The following CSGALNACT1 variants were observed in gnomAD, a reference collection of about 807,000 sequenced individuals.
The protein encoded by CSGALNACT1 is chondroitin sulfate N-acetylgalactosaminyltransferase 1.
A neutral mutation model predicts 51.0 loss-of-function variants in CSGALNACT1; 52 were observed. The observed-to-expected ratio is 1.02, with a 90% CI of 0.82 to 1.29. The LOEUF is 1.29. Among genes scored for constraint, CSGALNACT1 ranks in the 50% most tolerant of loss-of-function variants. The probability of loss-of-function intolerance (pLI) is 0.00; values close to 1 mark genes in which losing one functional copy is unlikely to be tolerated. For synonymous variants in CSGALNACT1, 341 were observed against 254.4 expected (o/e 1.34, Z -3.24); for missense variants, 935 against 679.2 (o/e 1.38, Z -4.19).
chr8:19,584,833 G>T (rs572917896), intron 3 of CSGALNACT1, among the ~76,000 whole-genome samples: 2 of 152,182 alleles, frequency 1.3e-5, no homozygotes, highest in South Asian at 2.1e-4. Context: ...CAGAATTAAG[G>T]GCTTGTCATC....
intron 6 of CSGALNACT1, among the ~76,000 whole-genome samples, chr8:19,434,372 G>C (rs1290430811): frequency 6.6e-6 from 1 of 151,986 alleles, no homozygotes; most frequent in East Asian, 1.9e-4. Flanking sequence ...CATACCCTTG[G>C]CTAGATTCAC....
chr8:19,476,708 A>G (rs573269476), intron 4 of CSGALNACT1, among the ~76,000 whole-genome samples: 15 of 152,318 alleles, frequency 9.8e-5, no homozygotes, highest in African/African-American at 2.9e-4. Flanking sequence ...CCAGACTTCT[A>G]TGTAAGAAGT....
intron 1 of CSGALNACT1, among the ~76,000 whole-genome samples, chr8:19,670,838 C>T (rs546189838): frequency 1.3e-5 from 2 of 152,082 alleles, no homozygotes; most frequent in Admixed American, 6.5e-5. Context: ...GCTTTTGGCC[C>T]CTTTGGTTAA....
intron 6 of CSGALNACT1, among the ~76,000 whole-genome samples, chr8:19,421,891 T>C (rs767907404): frequency 3.3e-5 from 5 of 152,116 alleles, no homozygotes; most frequent in South Asian, 4.2e-4. Flanking sequence ...GGAGGCCTCA[T>C]GATGGGTAGA....
At chr8:19,488,488 T>C (rs961198865) in intron 4 of CSGALNACT1, among the ~76,000 whole-genome samples, 3 of 150,712 alleles carry the variant, frequency 2.0e-5, no homozygotes, top group African/African-American at 7.3e-5. Context: ...ATTTTGTTTA[T>C]ATTAAGCAGT....
chr8:19,645,045 T>C (rs2057132661), intron 1 of CSGALNACT1, among the ~76,000 whole-genome samples: 1 of 152,194 alleles, frequency 6.6e-6, no homozygotes, highest in Non-Finnish European at 1.5e-5. Flanking sequence ...CTTTTAATCA[T>C]CAAAGTTCAA....
chr8:19,454,502 C>G (rs979037386), intron 5 of CSGALNACT1, among the ~76,000 whole-genome samples: 1 of 152,098 alleles, frequency 6.6e-6, no homozygotes, highest in African/African-American at 2.4e-5. Flanking sequence ...GAAACCCAGT[C>G]TCTACTAAAA....
intron 1 of CSGALNACT1, among the ~76,000 whole-genome samples, chr8:19,627,968 G>A (rs1007880323): frequency 6.6e-6 from 1 of 152,112 alleles, no homozygotes; most frequent in African/African-American, 2.4e-5. Context: ...GGAGAAAGCT[G>A]GGAGAAGGAA....
At chr8:19,539,818 G>C (rs2084669003) in intron 3 of CSGALNACT1, among the ~76,000 whole-genome samples, 1 of 152,176 alleles carries the variant, frequency 6.6e-6, no homozygotes, top group Non-Finnish European at 1.5e-5. Flanking sequence ...CCCCTGCTGA[G>C]GGGAGTTCTA....
intron 1 of CSGALNACT1, among the ~76,000 whole-genome samples, chr8:19,689,286 G>A (rs911397735): frequency 6.6e-6 from 1 of 152,170 alleles, no homozygotes; most frequent in Non-Finnish European, 1.5e-5. Flanking sequence ...GGCAGCCCAT[G>A]GCGTGTTCTA....
exon 10 of CSGALNACT1, chr8:19,404,496 G>C: frequency 2.2e-6 from 1 of 453,792 alleles, no homozygotes; most frequent in Non-Finnish European, 4.4e-6. Context: ...TGATCGAGTA[G>C]AACTGCTTAA....
At chr8:19,708,871 G>A (rs1012939506) in intron 1 of CSGALNACT1, among the ~76,000 whole-genome samples, 1 of 152,106 alleles carries the variant, frequency 6.6e-6, no homozygotes, top group Admixed American at 6.5e-5. Context: ...CCCTCTCATG[G>A]TGTCCCAAGG....
chr8:19,755,397 C>T (rs1371971356), intron 1 of CSGALNACT1, among the ~76,000 whole-genome samples: 3 of 120,380 alleles, frequency 2.5e-5, no homozygotes, highest in Non-Finnish European at 4.9e-5. Flanking sequence ...GGAATTTTTA[C>T]AATTTTTTTT....
At chr8:19,505,056 C>T (rs1392654608) in intron 4 of CSGALNACT1, 145 bp downstream of exon 3, 2 of 805,350 alleles carry the variant, frequency 2.5e-6, no homozygotes, top group African/African-American at 1.7e-5. Context: ...AAAGCCATGC[C>T]GTACCTTTTG....
At chr8:19,548,711 T>G (rs1169277821) in intron 3 of CSGALNACT1, among the ~76,000 whole-genome samples, 1 of 152,238 alleles carries the variant, frequency 6.6e-6, no homozygotes, top group Non-Finnish European at 1.5e-5. Context: ...AGCAGCCTTT[T>G]GCCCTCTCCA....
At chr8:19,478,404 A>T (rs949144049) in intron 4 of CSGALNACT1, among the ~76,000 whole-genome samples, 10 of 118,476 alleles carry the variant, frequency 8.4e-5, no homozygotes, top group African/African-American at 3.3e-4. Context: ...ACAGAGCGAG[A>T]CTCCGTCTCA....
intron 6 of CSGALNACT1, among the ~76,000 whole-genome samples, chr8:19,428,770 C>A (rs1297327151): frequency 1.3e-5 from 2 of 151,674 alleles, no homozygotes; most frequent in African/African-American, 4.9e-5. Context: ...GCAGAGGACA[C>A]AAGGTGTTTA....
In CSGALNACT1 at chr8:19,650,469, A is replaced by G. The variant is rs117003994; in HGVS notation, c.-544+32004T>C. Among the ~76,000 whole-genome samples the G allele has an allele frequency of 3.1e-4, 47 of 152,370 alleles. 1 individual carries two copies. In the East Asian group the frequency reaches 7.9e-3, roughly 26 times the overall value. Reference sequence around the variant, plus strand: ...TAGTAATTAGTACATTATTTTATGCATAAGTGAGCAATAGTGAAGCTCTTA... The same window carrying G: ...TAGTAATTAGTACATTATTTTATGCGTAAGTGAGCAATAGTGAAGCTCTTA... On this transcript the variant is annotated intron_variant, in intron 1 of 9. Coordinates refer to the CSGALNACT1 transcript ENST00000332246.
intron 3 of CSGALNACT1, among the ~76,000 whole-genome samples, chr8:19,590,842 G>A (rs2047665289): frequency 6.6e-6 from 1 of 151,540 alleles, no homozygotes; most frequent in Non-Finnish European, 1.5e-5. Context: ...GTAGAGACGG[G>A]GTTTCACCAT....
Sources: allele counts gnomAD v4.1 joint callset (sites outside exome capture counted in the v4.1 genomes callset), GRCh38; gene constraint gnomAD v4.1.1; transcripts MANE v1.5; gene names NCBI Gene and HGNC (gene_info 2026-07-23, HGNC 2026-07-21).